YARS2: variants seen among roughly 807,000 people sequenced by gnomAD.
The protein encoded by YARS2 is tyrosine--tRNA ligase, mitochondrial.
A neutral mutation model predicts 45.0 loss-of-function variants in YARS2; 38 were observed. The observed-to-expected ratio is 0.84, with a 90% confidence interval of 0.65 to 1.11. The LOEUF is 1.11. Ranked by LOEUF, YARS2 falls within the 50% of genes least tolerant of loss-of-function variation. The probability of loss-of-function intolerance (pLI) is 0.00; values close to 1 mark genes in which losing one functional copy is unlikely to be tolerated. For synonymous variants in YARS2, 287 were observed against 245.1 expected (o/e 1.17, Z -1.60); for missense variants, 602 against 599.8 (o/e 1.00, Z -0.04).
intron 3 of YARS2, 64 bp downstream of exon 3, chr12:32,750,655 T>C (rs1955725861): frequency 6.2e-7 from 1 of 1,600,036 alleles, no homozygotes; most frequent in Non-Finnish European, 8.5e-7. Context: ...AACATACTCC[T>C]ACTTTTCTCA....
chr12:32,755,130 C>G lies in YARS2; in HGVS notation c.745G>C (p.Gly249Arg). 6.2e-7 allele frequency: 1 copy of G among 1,614,160 alleles called. No individual in the cohort carries two copies. The highest frequency in any genetic ancestry group is 2.2e-5 in the East Asian group (1 of 44,886). Reference sequence around the variant, plus strand: ...AACTCATATCCGGACATGATGTTGCCTAGTTGATCAGATCCGCCCAGCTGG... The same window carrying G: ...AACTCATATCCGGACATGATGTTGCGTAGTTGATCAGATCCGCCCAGCTGG... ...RVQLGGSDQL[G>R]NIMSGYEFIN... Residue 249 changes from glycine to arginine, a missense_variant, in exon 1 of 5, where the codon GGC becomes CGC. Transcript: ENST00000324868.
chr12:32,752,103 T>C (rs756288360), intron 2 of YARS2, among the ~76,000 whole-genome samples: 1 of 152,192 alleles, frequency 6.6e-6, no homozygotes, highest in Non-Finnish European at 1.5e-5. Context: ...AGGGACACTC[T>C]ACGATATTTG....
rs1297735573 is a variant in YARS2 at position 32,746,832 on chromosome 12, C to G, written c.*372G>C. 1.4e-5 allele frequency: 3 copies of G among 217,798 alleles called. No individual in the cohort carries two copies. The highest frequency in any genetic ancestry group is 2.7e-5 in the Non-Finnish European group (3 of 109,384). 13.5% of individuals were successfully genotyped at this position (217,798 alleles called of 1,614,324 possible). On this transcript the variant is annotated 3_prime_UTR_variant, in exon 5 of 5. Transcript: ENST00000324868. The stretch of plus-strand genomic sequence containing the variant: ...GGATTACAGGTGTGAGCCACCATGC[C>G]CAGCCTCACAATTCCTTACACTACC...
At chr12:32,754,142 A>G (rs1955801139) in intron 1 of YARS2, 57 bp from the exon 2 acceptor site, 2 of 1,600,674 alleles carry the variant, frequency 1.2e-6, no homozygotes, top group East Asian at 2.2e-5. Context: ...GGTAGGTTCT[A>G]CTGTTCACCT....
intron 4 of YARS2, among the ~76,000 whole-genome samples, chr12:32,749,356 C>T (rs747210794): frequency 2.6e-5 from 4 of 152,124 alleles, no homozygotes; most frequent in Non-Finnish European, 5.9e-5. Flanking sequence ...GAACATGTCC[C>T]TCAAATGCAC....
intron 4 of YARS2, 90 bp downstream of exon 4, chr12:32,749,846 TG>T: frequency 6.7e-7 from 1 of 1,489,496 alleles, no homozygotes; most frequent in Admixed American, 1.7e-5. Flanking sequence ...CAATGTGCTG[TG>T]ATTACAGGCA....
intron 2 of YARS2, among the ~76,000 whole-genome samples, chr12:32,751,370 G>A (rs748289322): frequency 5.3e-5 from 8 of 151,956 alleles, no homozygotes; most frequent in Non-Finnish European, 8.8e-5. Context: ...GCCCAGCCTC[G>A]TATTTTCTTT....
At chr12:32,750,602 C>A (rs1955724696) in intron 3 of YARS2, 117 bp downstream of exon 3, 1 of 1,373,900 alleles carries the variant, frequency 7.3e-7, no homozygotes, top group African/African-American at 1.4e-5. Flanking sequence ...ATTGCTAAGT[C>A]AAATACTGAC....
In YARS2 at chr12:32,750,872, T is replaced by C; in HGVS notation, c.950A>G (p.Tyr317Cys). 1 of 1,613,928 alleles carries C rather than the reference T, an allele frequency of 6.2e-7. No individual in the cohort carries two copies. Residue 317 changes from tyrosine (Y) to cysteine (C), a missense_variant and splice_region_variant, in exon 3 of 5, where the codon TAC becomes TGC. Transcript: ENST00000324868. ...VRQPDDSVERYLKLFTFLPLP... is the reference protein window; with the variant it reads ...VRQPDDSVERCLKLFTFLPLP... Reference sequence around the variant, plus strand: ...GGGCAGGAAAGTGAACAGCTTCAGGTACCTTTGAGACAAAAAATAAAGAGT... The same window carrying C: ...GGGCAGGAAAGTGAACAGCTTCAGGCACCTTTGAGACAAAAAATAAAGAGT...
Position 32,754,079 on chromosome 12 carries a change from A to T in YARS2, c.786T>A (p.Thr262=), listed in dbSNP as rs1358085261. ...MSGYEFINKL[T]GEDVFGITVP... ...CGGTGATTCCAAATACATCTTCTCC[A>T]GTCAACCTACGCATAAAGAACAATT... The change falls in exon 2 of 5, where the codon ACT becomes ACA. Residue 262 remains threonine (T), a synonymous_variant. Coordinates refer to ENST00000324868, the MANE Select transcript of YARS2 (RefSeq NM_001040436.3). The T allele has an allele frequency of 6.2e-7, 1 of 1,614,118 alleles. No individual in the cohort carries two copies. The highest frequency in any genetic ancestry group is 2.2e-5 in the East Asian group (1 of 44,900).
chr12:32,755,599 T>C lies in YARS2; in HGVS notation c.276A>G (p.Leu92=), dbSNP rs759230227. The C allele has an allele frequency of 6.8e-6, 11 of 1,613,856 alleles. No homozygotes were observed. Among genetic ancestry groups the C allele is most frequent in the South Asian group, 4.4e-5 (4 of 91,080 alleles). Residue 92 remains leucine (L), a synonymous_variant, in exon 1 of 5, where the codon CTA becomes CTG. Transcript: ENST00000324868. The part of the protein sequence containing the change: ...PTADSLHVGH[L]LALLGLFHLQ... ...AATGAAACAGGCCCAGCAGCGCAAGTAGATGACCCACATGAAGCGAGTCTG... is the reference window on the plus strand; with the variant it reads ...AATGAAACAGGCCCAGCAGCGCAAGCAGATGACCCACATGAAGCGAGTCTG...
intron 4 of YARS2, 133 bp downstream of exon 4, chr12:32,749,804 C>G (rs997080389): frequency 3.9e-6 from 4 of 1,014,560 alleles, no homozygotes; most frequent in African/African-American, 1.6e-5. Context: ...GTCTCGATCT[C>G]CTGACCTCGT....
chr12:32,752,977 G>C (rs1192898714), intron 2 of YARS2, among the ~76,000 whole-genome samples: 1 of 152,044 alleles, frequency 6.6e-6, no homozygotes, highest in Non-Finnish European at 1.5e-5. Flanking sequence ...CAAAAAGCCG[G>C]TTTAGATATG....
rs1029290534 is a variant in YARS2, at chr12:32,746,996, T to G, written c.*208A>C. On this transcript the variant is annotated 3_prime_UTR_variant, in exon 5 of 5. Transcript: ENST00000324868. ...TCATGGTTTTCTATGGTAATCAAGC[T>G]TTGTACATCAGAAAATAAAACATCC... 1 of 544,366 alleles carries G rather than the reference T, an allele frequency of 1.8e-6. No individual in the cohort carries two copies. Among genetic ancestry groups the G allele is most frequent in the African/African-American group, 1.9e-5 (1 of 52,860 alleles). 33.7% of individuals were successfully genotyped at this position (544,366 alleles called of 1,614,324 possible). A position where few individuals can be genotyped will look rare whatever the true frequency, so the allele number is the denominator to read the frequency against.
In YARS2 at chr12:32,755,285, G is replaced by T; in HGVS notation, c.590C>A (p.Thr197Lys). Residue 197 changes from threonine (T) to lysine (K), a missense_variant, in exon 1 of 5, where the codon ACG becomes AAG. Transcript: ENST00000324868. ...AAVGGHFRMG[T>K]LLSRQSVQLR... is the part of the protein sequence containing the mutation. ...CTGCACGCTCTGCCGGCTCAGCAGC[G>T]TCCCCATGCGGAAGTGACCCCCCAC... The T allele has an allele frequency of 6.2e-7, 1 of 1,614,128 alleles. No individual in the cohort carries two copies. The highest frequency in any genetic ancestry group is 1.1e-5 in the South Asian group (1 of 91,084).
intron 2 of YARS2, among the ~76,000 whole-genome samples, chr12:32,753,457 T>A (rs2137658815): frequency 6.6e-6 from 1 of 152,332 alleles, no homozygotes; most frequent in East Asian, 1.9e-4. Flanking sequence ...ATCAAAATAT[T>A]TTTTTCACTT....
intron 1 of YARS2, among the ~76,000 whole-genome samples, chr12:32,754,739 A>C (rs73088891): frequency 0.16 from 19,018 of 120,864 alleles, 1,377 homozygotes; most frequent in Middle Eastern, 0.24. Context: ...TTTGAGACGG[A>C]GTCTCCCTCT....
intron 4 of YARS2, 79 bp downstream of exon 4, chr12:32,749,858 T>C: frequency 1.3e-6 from 2 of 1,555,828 alleles, no homozygotes; most frequent in South Asian, 2.2e-5. Context: ...ATTACAGGCA[T>C]GAGCCACTTC....
intron 2 of YARS2, among the ~76,000 whole-genome samples, chr12:32,752,192 T>A (rs1202577996): frequency 6.6e-6 from 1 of 152,246 alleles, no homozygotes; most frequent in Non-Finnish European, 1.5e-5. Flanking sequence ...AATATCATCC[T>A]ATATGTATTC....
Sources: allele counts gnomAD v4.1 joint callset (sites outside exome capture counted in the v4.1 genomes callset), GRCh38; gene constraint gnomAD v4.1.1; transcripts MANE v1.5; gene names NCBI Gene and HGNC (gene_info 2026-07-23, HGNC 2026-07-21).